Variants in TANC1 observed in about 807,000 individuals in gnomAD.
The protein encoded by TANC1 is protein TANC1.
In TANC1, 77 loss-of-function variants were observed where a neutral mutation model predicts 149.7. The ratio of observed to expected loss-of-function variants is 0.51; its 90% CI spans 0.43 to 0.62. The LOEUF (loss-of-function observed/expected upper bound fraction) is 0.62. Among genes scored for constraint, TANC1 ranks in the 20% least tolerant of loss-of-function variants. The probability of loss-of-function intolerance (pLI) is 0.00; values close to 1 mark genes in which losing one functional copy is unlikely to be tolerated. For missense variants in TANC1, 1,985 were observed against 2,321.8 expected, an observed-to-expected ratio of 0.85 and a Z score of 2.98; for synonymous variants, 854 against 925.0, an observed-to-expected ratio of 0.92 and a Z score of 1.39.
At chr2:159,042,575 A>G (rs1329354887) in intron 2 of TANC1, among the ~76,000 whole-genome samples, 2 of 152,000 alleles carry the variant, frequency 1.3e-5, no homozygotes, top group East Asian at 3.9e-4. Context: ...AGAGACTGGT[A>G]GGAGGGGAGC....
chr2:159,145,098 C>A (rs1373973553), intron 5 of TANC1, among the ~76,000 whole-genome samples: 1 of 152,128 alleles, frequency 6.6e-6, no homozygotes, highest in Non-Finnish European at 1.5e-5. Context: ...CCTCCCCTGG[C>A]TTTAAACAAG....
rs141326689 is a variant in TANC1 at position 159,135,955 on chromosome 2, C to T, written c.260-239C>T. Reference sequence around the variant, plus strand: ...TTCTCAAATCTGAGCTTACTCTTTTCTTCTTTGGCAGGCCAGACTGGACGT... The same window carrying T: ...TTCTCAAATCTGAGCTTACTCTTTTTTTCTTTGGCAGGCCAGACTGGACGT... On this transcript the variant is annotated intron_variant, in intron 4 of 26. Coordinates refer to ENST00000263635, the MANE Select transcript of TANC1 (RefSeq NM_033394.3). Among the ~76,000 whole-genome samples, 202 of 150,390 alleles carry T rather than the reference C, an allele frequency of 1.3e-3. 1 individual carries two copies. The highest frequency in any genetic ancestry group is 4.9e-3 in the African/African-American group (198 of 40,668).
intron 26 of TANC1, among the ~76,000 whole-genome samples, chr2:159,229,284 G>A (rs1199685498): frequency 4.6e-5 from 7 of 152,066 alleles, no homozygotes; most frequent in African/African-American, 1.7e-4. Flanking sequence ...CCATGGGATG[G>A]TAACAATATT....
At position 159,194,250 on chromosome 2, in the gene TANC1, C is replaced by T. The variant is rs1391355867; in HGVS notation, c.2743-7C>T. On this transcript the variant is annotated splice_region_variant and splice_polypyrimidine_tract_variant and intron_variant, in intron 16 of 26. Coordinates refer to ENST00000263635, the MANE Select transcript of TANC1 (RefSeq NM_033394.3). The stretch of plus-strand genomic sequence containing the variant: ...TGACAATCTTGTTGGGGGGCCTTGT[C>T]CAACAGGTGAGCCGTCTCCTGATTT... The T allele has an allele frequency of 2.5e-6, 4 of 1,610,482 alleles. No homozygotes were observed. The highest frequency in any genetic ancestry group is 1.3e-5 in the African/African-American group (1 of 74,870).
intron 19 of TANC1, among the ~76,000 whole-genome samples, chr2:159,201,983 G>T (rs1376277549): frequency 2.0e-5 from 3 of 152,224 alleles, no homozygotes; most frequent in African/African-American, 7.2e-5. Flanking sequence ...CAGTGGCGCA[G>T]GAGCTTAAAT....
rs1161462720 is a variant in TANC1, at chr2:159,104,328, T to G, written c.259+6494T>G. On this transcript the variant is annotated intron_variant, in intron 4 of 26. Transcript: ENST00000263635. ...GAGTCCTGGTTCACCTGTATACAATTTGGCTATACTCTGGAGTCAGACCAG... is the reference window on the plus strand; with the variant it reads ...GAGTCCTGGTTCACCTGTATACAATGTGGCTATACTCTGGAGTCAGACCAG... Among the ~76,000 whole-genome samples the G allele has an allele frequency of 2.6e-4, 25 of 95,408 alleles. 11 individuals are homozygous for G. The highest frequency in any genetic ancestry group is 2.1e-3 in the Admixed American group (19 of 8,912). 62.6% of individuals were successfully genotyped at this position (95,408 alleles called of 152,430 possible).
intron 3 of TANC1, among the ~76,000 whole-genome samples, chr2:159,068,639 A>G (rs2042875891): frequency 6.6e-6 from 1 of 152,368 alleles, no homozygotes; most frequent in East Asian, 1.9e-4. Context: ...AAAAAAAGTT[A>G]TCACCTATAT....
intron 22 of TANC1, among the ~76,000 whole-genome samples, chr2:159,221,597 C>T (rs767985159): frequency 2.0e-5 from 3 of 152,148 alleles, no homozygotes; most frequent in African/African-American, 4.8e-5. Flanking sequence ...GCTGTCTTTC[C>T]GTGCCTGGCT....
chr2:159,217,740 C>T (rs2150917746), intron 20 of TANC1, 110 bp downstream of exon 20: 2 of 1,385,958 alleles, frequency 1.4e-6, no homozygotes, highest in South Asian at 1.4e-5. Flanking sequence ...GTCTGTTCCC[C>T]ATCCTCGGCT....
intron 2 of TANC1, among the ~76,000 whole-genome samples, chr2:159,033,736 T>C (rs1280392025): frequency 6.6e-6 from 1 of 152,190 alleles, no homozygotes; most frequent in Non-Finnish European, 1.5e-5. Context: ...TCCCGCAGGC[T>C]TCACCCCAGG....
At chr2:159,112,722 C>T (rs935792603) in intron 4 of TANC1, among the ~76,000 whole-genome samples, 2 of 152,046 alleles carry the variant, frequency 1.3e-5, no homozygotes, top group African/African-American at 4.8e-5. Context: ...ACTACAGGCA[C>T]ATGCCACCAT....
intron 7 of TANC1, among the ~76,000 whole-genome samples, chr2:159,159,397 A>C (rs1332744619): frequency 6.7e-6 from 1 of 149,976 alleles, no homozygotes; most frequent in African/African-American, 2.5e-5. Flanking sequence ...CCGAGATAGC[A>C]CCACTGCACT....
intron 7 of TANC1, among the ~76,000 whole-genome samples, chr2:159,154,035 G>A (rs992470073): frequency 3.3e-5 from 5 of 152,168 alleles, no homozygotes; most frequent in African/African-American, 4.8e-5. Flanking sequence ...GCAGGAAGAG[G>A]CTTTCCATTT....
intron 2 of TANC1, among the ~76,000 whole-genome samples, chr2:159,044,102 A>T (rs2040861372): frequency 6.6e-6 from 1 of 152,150 alleles, no homozygotes; most frequent in Non-Finnish European, 1.5e-5. Flanking sequence ...GTGTGCTGAG[A>T]TCTCCCTGTA....
intron 4 of TANC1, among the ~76,000 whole-genome samples, chr2:159,113,312 A>G (rs908278283): frequency 2.0e-5 from 3 of 152,210 alleles, no homozygotes; most frequent in Non-Finnish European, 4.4e-5. Context: ...TCCTAAACAG[A>G]AAAATTCTAC....
chr2:159,153,701 T>TTTTTTTTTTTTTTTTTTTTTTTGAG (rs2053110172), intron 7 of TANC1, among the ~76,000 whole-genome samples: 1 of 152,200 alleles, frequency 6.6e-6, no homozygotes, highest in African/African-American at 2.4e-5. Flanking sequence ...AGCTTCCTTT[T>TTTTTTTTTTTTTTTTTTTTTTTGAG]AAATCAATAC....
chr2:159,054,425 C>G (rs1024517164), intron 2 of TANC1, among the ~76,000 whole-genome samples: 1 of 152,096 alleles, frequency 6.6e-6, no homozygotes, highest in Admixed American at 6.5e-5. Flanking sequence ...AATCACCCTG[C>G]GTGGGTATTG....
Position 159,150,308 on chromosome 2 carries a change from A to G in TANC1, c.496-62A>G, listed in dbSNP as rs148323421. The G allele has an allele frequency of 2.2e-4, 306 of 1,392,956 alleles. 1 individual carries two copies. The African/African-American group carries it at 3.7e-3, about 17-fold the overall frequency. 86.3% of individuals were successfully genotyped at this position (1,392,956 alleles called of 1,614,324 possible). A position where few individuals can be genotyped will look rare whatever the true frequency, so the allele number is the denominator to read the frequency against. On this transcript the variant is annotated intron_variant, in intron 6 of 26. Coordinates refer to ENST00000263635, the MANE Select transcript of TANC1 (RefSeq NM_033394.3). ...GTTTTATTGTTTTAGCACAAAAACA[A>G]AAGCATGTGTCGAAGCATCCTGTGT...
At chr2:159,023,813 A>G (rs957847997) in intron 2 of TANC1, among the ~76,000 whole-genome samples, 1 of 152,082 alleles carries the variant, frequency 6.6e-6, no homozygotes, top group Non-Finnish European at 1.5e-5. Context: ...CTAAAAATAC[A>G]AAAAATTAAC....
Sources: gnomAD v4.1 joint callset for allele counts (sites outside exome capture counted in the v4.1 genomes callset) on GRCh38, gnomAD v4.1.1 for gene constraint, MANE v1.5 for transcripts, NCBI Gene and HGNC (gene_info 2026-07-23, HGNC 2026-07-21) for gene names.